The following GPR158 variants were observed in gnomAD, a reference collection of about 807,000 sequenced individuals.
The protein encoded by GPR158 is G protein-coupled receptor 158.
In GPR158, 30 loss-of-function variants were observed where a neutral mutation model predicts 78.2. The ratio of observed to expected loss-of-function variants is 0.38; its 90% confidence interval spans 0.29 to 0.52. The LOEUF (loss-of-function observed/expected upper bound fraction) is 0.52, where lower values mean the gene tolerates loss of function less well. GPR158 is among the 20% of genes least tolerant of loss of function. The pLI is 0.83. For synonymous variants in GPR158, 581 were observed against 591.1 expected (o/e 0.98, Z 0.25); for missense variants, 1,463 against 1,523.5 (o/e 0.96, Z 0.66).
In GPR158 at chr10:25,576,560, G is replaced by C. The variant is rs142005768; in HGVS notation, c.1753+3673G>C. Among the ~76,000 whole-genome samples the C allele has an allele frequency of 2.1e-3, 318 of 152,252 alleles. 1 individual carries two copies. The highest frequency in any genetic ancestry group is 7.4e-3 in the African/African-American group (306 of 41,552). ...GAATAATACTGGGAAAGAGGACATA[G>C]AGAGTAATGACGACCCTGAGATAGA... On this transcript the variant is annotated intron_variant, in intron 7 of 10. Coordinates refer to ENST00000376351, the MANE Select transcript of GPR158 (RefSeq NM_020752.3).
At chr10:25,262,212 TTAG>T (rs1853976918) in intron 2 of GPR158, among the ~76,000 whole-genome samples, 1 of 152,166 alleles carries the variant, frequency 6.6e-6, no homozygotes, top group Non-Finnish European at 1.5e-5. Flanking sequence ...TTCTCTTGAC[TTAG>T]TGGGGAGAGT....
chr10:25,265,916 C>T (rs1854039262), intron 2 of GPR158, among the ~76,000 whole-genome samples: 1 of 152,190 alleles, frequency 6.6e-6, no homozygotes, highest in Non-Finnish European at 1.5e-5. Context: ...GATGTTACCA[C>T]CCGCCTGCTT....
At position 25,599,030 on chromosome 10, in the gene GPR158, AC is replaced by A. The variant is rs1837455521; in HGVS notation, c.3406del (p.Gln1136LysfsTer2). ...VASKTENENLNQIGHQEKKTS... is the reference protein window; with the variant it reads ...VASKTENENLXQIGHQEKKTS... ...TCAAAAACAGAGAATGAAAATCTCA[AC>A]CAAATAGGACACCAGGAAAAAAAGA... is the stretch of plus-strand genomic sequence containing the variant. On this transcript the variant is annotated frameshift_variant, in exon 11 of 11. Transcript: ENST00000376351. LOFTEE classifies it low-confidence loss of function (END_TRUNC). 6.2e-7 allele frequency: 1 copy of A among 1,614,148 alleles called. No individual in the cohort carries two copies. The highest frequency in any genetic ancestry group is 8.5e-7 in the Non-Finnish European group (1 of 1,180,022).
chr10:25,266,026 T>C (rs1423372649), intron 2 of GPR158, among the ~76,000 whole-genome samples: 1 of 152,152 alleles, frequency 6.6e-6, no homozygotes, highest in African/African-American at 2.4e-5. Context: ...GCTTCAGTCT[T>C]ACTGGATTTC....
intron 8 of GPR158, 122 bp downstream of exon 8, chr10:25,589,267 G>T: frequency 1.7e-6 from 1 of 598,358 alleles, no homozygotes; most frequent in South Asian, 4.4e-5. Context: ...TTTATAAGTG[G>T]ACTAATTTCT....
intron 4 of GPR158, among the ~76,000 whole-genome samples, chr10:25,434,776 C>T (rs1834974851): frequency 1.3e-5 from 2 of 152,056 alleles, no homozygotes; most frequent in South Asian, 4.1e-4. Context: ...AGCTTTTAAA[C>T]CTTCTTTTAT....
chr10:25,460,133 A>G (rs1835338088), intron 4 of GPR158, among the ~76,000 whole-genome samples: 1 of 152,164 alleles, frequency 6.6e-6, no homozygotes, highest in Admixed American at 6.5e-5. Context: ...AGTTAAAGGA[A>G]GGGCTTTGTT....
At chr10:25,540,416 A>G (rs904766707) in intron 5 of GPR158, among the ~76,000 whole-genome samples, 7 of 152,174 alleles carry the variant, frequency 4.6e-5, no homozygotes, top group Non-Finnish European at 7.4e-5. Context: ...TAGAAATACC[A>G]TTTGACCCAG....
chr10:25,460,723 C>G (rs139280093), intron 4 of GPR158, among the ~76,000 whole-genome samples: 1 of 152,084 alleles, frequency 6.6e-6, no homozygotes, highest in Non-Finnish European at 1.5e-5. Flanking sequence ...TGTATATGTA[C>G]ACAGACATAC....
At chr10:25,440,817 G>T (rs368146099) in intron 4 of GPR158, among the ~76,000 whole-genome samples, 1 of 152,046 alleles carries the variant, frequency 6.6e-6, no homozygotes, top group Admixed American at 6.6e-5. Context: ...ATACTGCTGA[G>T]GGCTCTTAAG....
intron 9 of GPR158, among the ~76,000 whole-genome samples, chr10:25,595,948 C>T (rs981604684): frequency 2.0e-5 from 3 of 152,052 alleles, no homozygotes; most frequent in African/African-American, 7.2e-5. Flanking sequence ...CATTGCTAGG[C>T]ATTGTTATAT....
intron 2 of GPR158, among the ~76,000 whole-genome samples, chr10:25,240,096 T>C (rs1853582937): frequency 6.6e-6 from 1 of 152,236 alleles, no homozygotes; most frequent in Non-Finnish European, 1.5e-5. Flanking sequence ...TTGATTAATC[T>C]AGTCATTTCA....
intron 2 of GPR158, among the ~76,000 whole-genome samples, chr10:25,381,906 T>G (rs535687005): frequency 1.4e-4 from 21 of 152,344 alleles, no homozygotes; most frequent in African/African-American, 5.1e-4. Context: ...ACAGGTCCAA[T>G]TTTTGTTTTT....
At chr10:25,525,820 A>G (rs559894095) in intron 5 of GPR158, among the ~76,000 whole-genome samples, 19 of 152,288 alleles carry the variant, frequency 1.2e-4, no homozygotes, top group Admixed American at 9.8e-4. Context: ...TAAAAGTCAT[A>G]GTAGGGCCAG....
At chr10:25,445,277 C>G (rs921391583) in intron 4 of GPR158, among the ~76,000 whole-genome samples, 1 of 152,046 alleles carries the variant, frequency 6.6e-6, no homozygotes, top group Non-Finnish European at 1.5e-5. Context: ...ATGCATAAGA[C>G]TTTCCTAGAT....
chr10:25,224,210 C>T (rs1248481395), intron 2 of GPR158, among the ~76,000 whole-genome samples: 1 of 152,006 alleles, frequency 6.6e-6, no homozygotes, highest in Non-Finnish European at 1.5e-5. Flanking sequence ...ATGGTTTAAA[C>T]ATAAAATTAA....
At chr10:25,479,556 A>G (rs1278977023) in intron 5 of GPR158, among the ~76,000 whole-genome samples, 1 of 151,958 alleles carries the variant, frequency 6.6e-6, no homozygotes, top group Non-Finnish European at 1.5e-5. Context: ...CTGGGATTAC[A>G]GGCACCTGTC....
chr10:25,298,120 A>G (rs66463292), intron 2 of GPR158, among the ~76,000 whole-genome samples: 29,284 of 152,132 alleles, frequency 0.19, 5,121 homozygotes, highest in African/African-American at 0.47. Context: ...ATTATATTCT[A>G]TATACTAATA....
At chr10:25,540,923 C>T (rs1436787525) in intron 5 of GPR158, among the ~76,000 whole-genome samples, 1 of 141,482 alleles carries the variant, frequency 7.1e-6, no homozygotes, top group Non-Finnish European at 1.5e-5. Context: ...TACATGTACC[C>T]TAGAACTTAA....
Sources: allele counts gnomAD v4.1 joint callset (sites outside exome capture counted in the v4.1 genomes callset), GRCh38; gene constraint gnomAD v4.1.1; transcripts MANE v1.5; gene names NCBI Gene and HGNC (gene_info 2026-07-23, HGNC 2026-07-21).